Variants in LRMDA observed in about 807,000 individuals in gnomAD.
The protein encoded by LRMDA is leucine-rich melanocyte differentiation-associated protein.
A neutral mutation model predicts 29.8 loss-of-function variants in LRMDA; 18 were observed. The observed-to-expected ratio is 0.60, with a 90% CI of 0.42 to 0.90. The LOEUF (loss-of-function observed/expected upper bound fraction) is 0.90, where lower values mean the gene tolerates loss of function less well. Ranked by LOEUF, LRMDA falls within the 40% of genes least tolerant of loss-of-function variation. The pLI is 0.00. For synonymous variants in LRMDA, 125 were observed against 109.4 expected, an observed-to-expected ratio of 1.14 and a Z score of -0.89; for missense variants, 273 against 273.9, an observed-to-expected ratio of 1.00 and a Z score of 0.02.
At chr10:76,367,371 C>T (rs1430946895) in intron 6 of LRMDA, among the ~76,000 whole-genome samples, 1 of 151,856 alleles carries the variant, frequency 6.6e-6, no homozygotes, top group Non-Finnish European at 1.5e-5. Context: ...CTGTTGTGAA[C>T]CTGTCTGGTC....
At chr10:76,325,558 G>A (rs923319378) in intron 6 of LRMDA, among the ~76,000 whole-genome samples, 4 of 152,138 alleles carry the variant, frequency 2.6e-5, no homozygotes, top group African/African-American at 7.2e-5. Context: ...CATCCCTTTC[G>A]AGACTGTTTT....
chr10:75,988,768 GCCCCTGA>G (rs1055120765), intron 2 of LRMDA, among the ~76,000 whole-genome samples: 2 of 152,040 alleles, frequency 1.3e-5, no homozygotes, highest in African/African-American at 4.8e-5. Context: ...CCTCCCCTTG[GCCCCTGA>G]CCTCTGCCCT....
At chr10:76,035,944 C>T (rs1198464847) in intron 2 of LRMDA, 64 bp from the exon 3 acceptor site, 5 of 1,492,020 alleles carry the variant, frequency 3.4e-6, no homozygotes, top group Non-Finnish European at 1.8e-6. Context: ...ATATTTATTT[C>T]GGCTCATAAT....
intron 4 of LRMDA, among the ~76,000 whole-genome samples, chr10:76,053,617 C>T (rs1848564989): frequency 1.3e-5 from 2 of 152,236 alleles, no homozygotes; most frequent in Admixed American, 6.5e-5. Flanking sequence ...AAAGGACAGG[C>T]AAGCAGGAAG....
chr10:75,632,393 G>C (rs1841334997), intron 2 of LRMDA, among the ~76,000 whole-genome samples: 1 of 152,168 alleles, frequency 6.6e-6, no homozygotes, highest in African/African-American at 2.4e-5. Flanking sequence ...AAAGAAAAGA[G>C]TGTTGTGTTA....
intron 5 of LRMDA, among the ~76,000 whole-genome samples, chr10:76,316,360 C>T (rs1840698930): frequency 6.6e-6 from 1 of 152,056 alleles, no homozygotes; most frequent in African/African-American, 2.4e-5. Context: ...GAGCTGCCTG[C>T]CCCACCGCAG....
intron 5 of LRMDA, among the ~76,000 whole-genome samples, chr10:76,086,386 T>C (rs902482507): frequency 1.4e-5 from 2 of 145,446 alleles, no homozygotes; most frequent in Non-Finnish European, 3.0e-5. Context: ...TCAGAAGCTG[T>C]TTGCAAGGCT....
At chr10:76,454,242 G>A (rs545843486) in intron 6 of LRMDA, among the ~76,000 whole-genome samples, 7 of 152,244 alleles carry the variant, frequency 4.6e-5, no homozygotes, top group Admixed American at 6.5e-5. Context: ...TAGACAAAAC[G>A]TTGATCTTTG....
chr10:75,993,790 G>C (rs183354496), intron 2 of LRMDA, among the ~76,000 whole-genome samples: 2 of 151,982 alleles, frequency 1.3e-5, no homozygotes, highest in African/African-American at 2.4e-5. Context: ...TTATTGGTAC[G>C]TGGTGGAGCT....
intron 2 of LRMDA, among the ~76,000 whole-genome samples, chr10:75,785,345 G>T (rs1843453163): frequency 1.8e-5 from 1 of 55,322 alleles, no homozygotes; most frequent in Non-Finnish European, 3.1e-5. Flanking sequence ...GTCCTTGAAC[G>T]GGTGTGGAGG....
At chr10:76,156,587 A>G (rs1432095513) in intron 5 of LRMDA, among the ~76,000 whole-genome samples, 1 of 152,126 alleles carries the variant, frequency 6.6e-6, no homozygotes, top group Non-Finnish European at 1.5e-5. Context: ...GGGCTTAACC[A>G]ACATTCACAG....
intron 2 of LRMDA, among the ~76,000 whole-genome samples, chr10:75,788,672 G>A (rs1843515412): frequency 6.6e-6 from 1 of 152,238 alleles, no homozygotes; most frequent in Admixed American, 6.5e-5. Context: ...AGAGCTGTTT[G>A]TTAACCATTT....
chr10:76,424,406 G>C (rs758966136), intron 6 of LRMDA, among the ~76,000 whole-genome samples: 2 of 152,142 alleles, frequency 1.3e-5, no homozygotes, highest in Non-Finnish European at 2.9e-5. Flanking sequence ...AGGCGTGGTG[G>C]CAGGCACCTG....
rs919846254 is a variant in LRMDA, at chr10:76,336,124, C to A, written c.601+11639C>A. Among the ~76,000 whole-genome samples, 8 of 151,874 alleles carry A rather than the reference C, an allele frequency of 5.3e-5. No homozygotes were observed. The South Asian group carries it at 1.5e-3, about 28-fold the overall frequency. On this transcript the variant is annotated intron_variant, in intron 6 of 6. Transcript: ENST00000611255. ...GGGAGATAGAGAAATCACCATTCCCCAAGGCCTTTTACTGAAGGACATGCT... is the reference window on the plus strand; with the variant it reads ...GGGAGATAGAGAAATCACCATTCCCAAAGGCCTTTTACTGAAGGACATGCT...
intron 2 of LRMDA, among the ~76,000 whole-genome samples, chr10:75,571,668 G>C (rs1464013729): frequency 6.6e-6 from 1 of 152,132 alleles, no homozygotes; most frequent in African/African-American, 2.4e-5. Flanking sequence ...AAGGTACCTT[G>C]GCTTTTAAGA....
intron 2 of LRMDA, among the ~76,000 whole-genome samples, chr10:75,798,620 C>G (rs1414812239): frequency 2.0e-5 from 3 of 151,976 alleles, no homozygotes; most frequent in African/African-American, 4.8e-5. Flanking sequence ...TTTCTCTTAA[C>G]TATAATTTGC....
intron 2 of LRMDA, among the ~76,000 whole-genome samples, chr10:75,550,408 T>C (rs1840127972): frequency 6.6e-6 from 1 of 152,162 alleles, no homozygotes; most frequent in Admixed American, 6.6e-5. Flanking sequence ...TTATATCTTC[T>C]TGATGAACTG....
chr10:75,441,766 CT>C (rs372042552), intron 2 of LRMDA, among the ~76,000 whole-genome samples: 68 of 145,830 alleles, frequency 4.7e-4, no homozygotes, highest in East Asian at 5.9e-4. Context: ...GGCTTTCTTT[CT>C]TTTTTTTTTT....
intron 5 of LRMDA, among the ~76,000 whole-genome samples, chr10:76,214,010 AG>A (rs1851681463): frequency 6.6e-6 from 1 of 152,230 alleles, no homozygotes; most frequent in South Asian, 2.1e-4. Context: ...CCTGGATTCC[AG>A]CTGCCTGGGT....
Sources: allele counts gnomAD v4.1 joint callset (sites outside exome capture counted in the v4.1 genomes callset), GRCh38; gene constraint gnomAD v4.1.1; transcripts MANE v1.5; gene names NCBI Gene and HGNC (gene_info 2026-07-23, HGNC 2026-07-21).